Variants in LRFN5 observed in about 807,000 individuals in gnomAD.
LRFN5 encodes leucine rich repeat and fibronectin type III domain containing 5.
Under a neutral mutation model 45.6 loss-of-function variants are expected in LRFN5, and 24 were observed. The ratio of observed to expected loss-of-function variants is 0.53; its 90% CI spans 0.38 to 0.74. The LOEUF (loss-of-function observed/expected upper bound fraction) is 0.74. Among genes scored for constraint, LRFN5 ranks in the 30% least tolerant of loss-of-function variants. The pLI is 0.00. For synonymous variants in LRFN5, 340 were observed against 313.8 expected (o/e 1.08, Z -0.88); for missense variants, 776 against 861.5 (o/e 0.90, Z 1.24).
chr14:41,677,022 A>C (rs1270854711), intron 1 of LRFN5, among the ~76,000 whole-genome samples: 1 of 152,234 alleles, frequency 6.6e-6, no homozygotes, highest in African/African-American at 2.4e-5. Flanking sequence ...AAAAGGTAAA[A>C]ATATAACTGG....
chr14:41,652,851 C>G (rs1880195798), intron 1 of LRFN5, among the ~76,000 whole-genome samples: 1 of 152,098 alleles, frequency 6.6e-6, no homozygotes. Flanking sequence ...TTAATAATAG[C>G]CATTCTGACT....
At chr14:41,830,948 A>G (rs1210325111) in intron 2 of LRFN5, among the ~76,000 whole-genome samples, 1 of 152,154 alleles carries the variant, frequency 6.6e-6, no homozygotes, top group Admixed American at 6.5e-5. Flanking sequence ...TTTCTTCTAC[A>G]TCTCACAGAA....
intron 2 of LRFN5, among the ~76,000 whole-genome samples, chr14:41,772,798 G>T (rs1438168714): frequency 6.6e-6 from 1 of 151,968 alleles, no homozygotes; most frequent in Non-Finnish European, 1.5e-5. Flanking sequence ...GAATCATTTT[G>T]TCATCTTTCT....
chr14:41,778,561 T>C (rs1206766339), intron 2 of LRFN5, among the ~76,000 whole-genome samples: 1 of 151,744 alleles, frequency 6.6e-6, no homozygotes, highest in Admixed American at 6.6e-5. Context: ...GTGAATAATA[T>C]TGTGCTATTA....
intron 1 of LRFN5, among the ~76,000 whole-genome samples, chr14:41,706,193 C>G (rs528991651): frequency 6.6e-6 from 1 of 152,038 alleles, no homozygotes; most frequent in Non-Finnish European, 1.5e-5. Flanking sequence ...CTGCACCTCC[C>G]AGGTTCAAGC....
At chr14:41,824,815 C>G (rs1888238117) in intron 2 of LRFN5, among the ~76,000 whole-genome samples, 1 of 152,066 alleles carries the variant, frequency 6.6e-6, no homozygotes, top group Non-Finnish European at 1.5e-5. Context: ...AGCACTGCCC[C>G]TTATGGAAGT....
At chr14:41,714,243 T>C (rs994598927) in intron 1 of LRFN5, among the ~76,000 whole-genome samples, 1 of 152,082 alleles carries the variant, frequency 6.6e-6, no homozygotes, top group African/African-American at 2.4e-5. Context: ...TCCTCTTTAG[T>C]TGATATTTAG....
chr14:41,826,182 C>A (rs1002975542), intron 2 of LRFN5, among the ~76,000 whole-genome samples: 3 of 152,188 alleles, frequency 2.0e-5, no homozygotes, highest in Middle Eastern at 3.4e-3. Flanking sequence ...AGAGGAAATT[C>A]TCTTGAGAAG....
intron 2 of LRFN5, among the ~76,000 whole-genome samples, chr14:41,881,533 T>C (rs2139139345): frequency 6.6e-6 from 1 of 152,132 alleles, no homozygotes; most frequent in African/African-American, 2.4e-5. Flanking sequence ...TTGGTCTTTT[T>C]ATATTATCAA....
intron 5 of LRFN5, among the ~76,000 whole-genome samples, chr14:41,900,905 A>G (rs1891082080): frequency 6.6e-6 from 1 of 152,152 alleles, no homozygotes; most frequent in South Asian, 2.1e-4. Flanking sequence ...GAGAGCGGGC[A>G]GAGACCCTTT....
At chr14:41,610,509 C>T (rs1319670323) in intron 1 of LRFN5, among the ~76,000 whole-genome samples, 1 of 151,476 alleles carries the variant, frequency 6.6e-6, no homozygotes, top group African/African-American at 2.4e-5. Context: ...CCTCTCCCAC[C>T]TGGTACCCAA....
At position 41,724,942 on chromosome 14, in the gene LRFN5, A is replaced by G. The variant is rs1883870500; in HGVS notation, c.-196-41912A>G. 2.0e-5 allele frequency among the ~76,000 whole-genome samples: 3 copies of G among 151,912 alleles called. No individual in the cohort carries two copies. The South Asian group carries it at 6.2e-4, about 31-fold the overall frequency. On this transcript the variant is annotated intron_variant, in intron 1 of 5. Coordinates refer to ENST00000298119, the MANE Select transcript of LRFN5 (RefSeq NM_152447.5). ...AGATTTTGAAGGACTATATTCCCTT[A>G]TTTTTTGTCCATTTTGTCAGATTAT...
chr14:41,739,176 A>C (rs1343555198), intron 1 of LRFN5, among the ~76,000 whole-genome samples: 2 of 152,170 alleles, frequency 1.3e-5, no homozygotes, highest in Non-Finnish European at 2.9e-5. Context: ...GCTTGAACTC[A>C]GGAGTCTGAG....
At chr14:41,754,398 C>G (rs1456167592) in intron 1 of LRFN5, among the ~76,000 whole-genome samples, 3 of 151,896 alleles carry the variant, frequency 2.0e-5, no homozygotes, top group Admixed American at 1.3e-4. Flanking sequence ...TGGTCCTGGA[C>G]TTTTTTTTGG....
intron 1 of LRFN5, among the ~76,000 whole-genome samples, chr14:41,711,825 A>G (rs1047294726): frequency 2.0e-5 from 3 of 152,232 alleles, no homozygotes; most frequent in African/African-American, 7.2e-5. Context: ...TAGACTCTCC[A>G]TGTTCTTAGA....
intron 3 of LRFN5, among the ~76,000 whole-genome samples, chr14:41,889,364 G>T (rs917688847): frequency 6.6e-6 from 1 of 151,782 alleles, no homozygotes; most frequent in Non-Finnish European, 1.5e-5. Context: ...TAGACTAAAG[G>T]TCTCTAATAT....
intron 1 of LRFN5, among the ~76,000 whole-genome samples, chr14:41,626,520 G>T (rs1888338354): frequency 6.6e-6 from 1 of 151,942 alleles, no homozygotes; most frequent in African/African-American, 2.4e-5. Flanking sequence ...TGTAGAATCT[G>T]AACATCTAAT....
intron 2 of LRFN5, among the ~76,000 whole-genome samples, chr14:41,806,192 T>A (rs1887519923): frequency 6.6e-6 from 1 of 152,188 alleles, no homozygotes. Context: ...GATACTTCAA[T>A]TAAACTGTAA....
At chr14:41,644,916 T>A (rs749727114) in intron 1 of LRFN5, among the ~76,000 whole-genome samples, 1 of 152,184 alleles carries the variant, frequency 6.6e-6, no homozygotes, top group Non-Finnish European at 1.5e-5. Context: ...TTTGACATTC[T>A]AAATTAAAAC....
Sources: gnomAD v4.1 joint callset for allele counts (sites outside exome capture counted in the v4.1 genomes callset) on GRCh38, gnomAD v4.1.1 for gene constraint, MANE v1.5 for transcripts, NCBI Gene and HGNC (gene_info 2026-07-23, HGNC 2026-07-21) for gene names.